Variants in DAPK2 observed in about 807,000 individuals in gnomAD.
DAPK2 encodes death associated protein kinase 2, also known as death-associated protein kinase 2.
In DAPK2, 35 loss-of-function variants were observed where a neutral mutation model predicts 44.1. That is an observed-to-expected ratio of 0.79 (90% CI 0.61 to 1.05). The LOEUF (loss-of-function observed/expected upper bound fraction) is 1.05, where lower values mean the gene tolerates loss of function less well. DAPK2 is among the 50% of genes least tolerant of loss of function. The pLI is 0.00. For synonymous variants in DAPK2, 174 were observed against 182.6 expected (o/e 0.95, Z 0.38); for missense variants, 453 against 483.2 (o/e 0.94, Z 0.59).
chr15:63,941,187 T>C (rs1474213724), intron 3 of DAPK2, among the ~76,000 whole-genome samples: 4 of 152,226 alleles, frequency 2.6e-5, no homozygotes, highest in Non-Finnish European at 4.4e-5. Context: ...TCTCTGTCCA[T>C]TGAAATCCTA....
In DAPK2 at chr15:64,046,256, GC is replaced by G. The variant is rs540931698; in HGVS notation, c.-7+41del. 2.8e-3 allele frequency: 2,507 copies of G among 905,006 alleles called. 11 individuals carry two copies. Among genetic ancestry groups the G allele is most frequent in the South Asian group, 0.012 (238 of 19,454 alleles). The allele number at this position is 905,006 out of a possible 1,614,324, so 56.1% of individuals were successfully genotyped here. A position where few individuals can be genotyped will look rare whatever the true frequency, so the allele number is the denominator to read the frequency against. On this transcript the variant is annotated intron_variant, in intron 1 of 11. Coordinates refer to the DAPK2 transcript ENST00000457488. This position sits in a 1 kb window ranked among gnomAD's most constrained non-coding sequence, Gnocchi z 5.3. ...GGGCGCTGCTGCCGTCAGGCCGCGCGCCCCGTCCCGCCCATCGAGCCCGCAG... is the reference window on the plus strand; with the variant it reads ...GGGCGCTGCTGCCGTCAGGCCGCGCGCCCGTCCCGCCCATCGAGCCCGCAG...
At chr15:64,032,099 T>A (rs931383941) in intron 1 of DAPK2, among the ~76,000 whole-genome samples, 1 of 152,096 alleles carries the variant, frequency 6.6e-6, no homozygotes, top group South Asian at 2.1e-4. Flanking sequence ...GACACCACAG[T>A]AGAGGAGACG....
chr15:64,043,497 A>G (rs1163792416), upstream of DAPK2, among the ~76,000 whole-genome samples: 8 of 152,244 alleles, frequency 5.3e-5, no homozygotes, highest in Admixed American at 2.0e-4. Context: ...GTTGAATGAA[A>G]GTAGACAGAC....
In DAPK2 at chr15:63,983,472, T is replaced by C; in HGVS notation, c.314+61A>G. ...CCCCCTGGGGCCTGTGGCTGGAGTT[T>C]CCACTGCTCTGCCTGCCCCTGCTGC... On this transcript the variant is annotated intron_variant, in intron 2 of 10. Coordinates refer to ENST00000261891, the Ensembl canonical transcript of DAPK2. 2.4e-5 allele frequency: 36 copies of C among 1,531,358 alleles called. No individual in the cohort carries two copies. The South Asian group carries it at 3.8e-4, about 16-fold the overall frequency. The allele number at this position is 1,531,358 out of a possible 1,614,324, so 94.9% of individuals were successfully genotyped here.
chr15:64,022,355 T>C (rs566842578), intron 1 of DAPK2, among the ~76,000 whole-genome samples: 1 of 152,230 alleles, frequency 6.6e-6, no homozygotes, highest in Non-Finnish European at 1.5e-5. Flanking sequence ...AAAGGTTTCC[T>C]AGACTTTTTT....
intron 1 of DAPK2, among the ~76,000 whole-genome samples, chr15:64,034,527 C>T (rs1423977341): frequency 6.6e-6 from 1 of 152,096 alleles, no homozygotes; most frequent in Non-Finnish European, 1.5e-5. Context: ...TAAGTGGTAG[C>T]AATTATATGG....
chr15:63,992,110 C>T (rs1228153224), intron 1 of DAPK2, among the ~76,000 whole-genome samples: 1 of 152,142 alleles, frequency 6.6e-6, no homozygotes, highest in Non-Finnish European at 1.5e-5. Context: ...AGTATGACAA[C>T]TATTTTTTAA....
At chr15:63,996,717 G>A (rs939459082) in intron 1 of DAPK2, among the ~76,000 whole-genome samples, 11 of 152,180 alleles carry the variant, frequency 7.2e-5, no homozygotes, top group East Asian at 1.9e-4. Context: ...CTTCCAAAAC[G>A]GAGCTTAGCC....
At position 63,956,130 on chromosome 15, in the gene DAPK2, T is replaced by C. The variant is rs944170531; in HGVS notation, c.453+15293A>G. 5.9e-5 allele frequency among the ~76,000 whole-genome samples: 9 copies of C among 152,344 alleles called. 1 individual carries two copies. The East Asian group carries it at 1.2e-3, about 20-fold the overall frequency. On this transcript the variant is annotated intron_variant, in intron 3 of 10. Coordinates refer to ENST00000261891, the Ensembl canonical transcript of DAPK2. ...CTAATGATCCTTTGAGTTTCCGCAG[T>C]ATCAGTTGTAATGTCTCCTTTTTCG...
intron 2 of DAPK2, among the ~76,000 whole-genome samples, chr15:63,974,509 T>C (rs2078294142): frequency 6.6e-6 from 1 of 152,166 alleles, no homozygotes; most frequent in Non-Finnish European, 1.5e-5. Flanking sequence ...GATTGGCAAT[T>C]GGTTATTATT....
intron 2 of DAPK2, among the ~76,000 whole-genome samples, chr15:63,976,446 C>CA (rs2078349404): frequency 6.6e-6 from 1 of 152,084 alleles, no homozygotes; most frequent in South Asian, 2.1e-4. Context: ...GGGCTGGGCA[C>CA]AGTGGCTCAC....
chr15:63,943,236 C>T (rs921434138), intron 3 of DAPK2, among the ~76,000 whole-genome samples: 1 of 151,828 alleles, frequency 6.6e-6, no homozygotes, highest in Non-Finnish European at 1.5e-5. Flanking sequence ...CCAGCCAGGG[C>T]AACTTGGAGA....
intron 3 of DAPK2, among the ~76,000 whole-genome samples, chr15:63,956,779 G>C (rs138477819): frequency 6.6e-6 from 1 of 151,974 alleles, no homozygotes; most frequent in Non-Finnish European, 1.5e-5. Flanking sequence ...AGTAGAGATG[G>C]GGTTTCACCA....
chr15:63,981,942 TC>T (rs1291809333), intron 2 of DAPK2, among the ~76,000 whole-genome samples: 8 of 152,184 alleles, frequency 5.3e-5, no homozygotes, highest in Non-Finnish European at 1.2e-4. Context: ...CAAATGTCCA[TC>T]TGCTACTTAA....
intron 1 of DAPK2, among the ~76,000 whole-genome samples, chr15:63,997,714 C>T (rs2078987016): frequency 6.6e-6 from 1 of 152,196 alleles, no homozygotes; most frequent in Non-Finnish European, 1.5e-5. Flanking sequence ...CCCACACTAA[C>T]TGCCTCTAAT....
At chr15:63,924,952 T>G in intron 7 of DAPK2, 91 bp from the exon 9 acceptor site, 1 of 1,388,070 alleles carries the variant, frequency 7.2e-7, no homozygotes, top group South Asian at 1.3e-5. Flanking sequence ...ACCTATATTT[T>G]GGCATTATTT....
chr15:64,028,049 T>TCTAC (rs751396079), intron 1 of DAPK2, among the ~76,000 whole-genome samples: 20 of 147,144 alleles, frequency 1.4e-4, no homozygotes, highest in East Asian at 9.7e-4. Flanking sequence ...TATCTATCTA[T>TCTAC]CTATCTATCT....
chr15:63,964,979 T>C (rs1337738370), intron 3 of DAPK2, among the ~76,000 whole-genome samples: 1 of 152,220 alleles, frequency 6.6e-6, no homozygotes, highest in Non-Finnish European at 1.5e-5. Context: ...GGTGAAGTCA[T>C]GATTTCCTGG....
chr15:64,033,323 A>AGGAAGGAAGGAG, intron 1 of DAPK2, among the ~76,000 whole-genome samples: 1 of 142,850 alleles, frequency 7.0e-6, no homozygotes, highest in Non-Finnish European at 1.6e-5. Context: ...GAAGGAAGGA[A>AGGAAGGAAGGAG]GGAAAAAAAA....
Sources: allele counts gnomAD v4.1 joint callset (sites outside exome capture counted in the v4.1 genomes callset), GRCh38; gene constraint gnomAD v4.1.1; non-coding constraint Gnocchi (gnomAD v3.1); transcripts MANE v1.5; gene names NCBI Gene and HGNC (gene_info 2026-07-23, HGNC 2026-07-21).